ANKFN1: variants seen among roughly 807,000 people sequenced by gnomAD.
ANKFN1 encodes the protein ankyrin repeat and fibronectin type-III domain-containing protein 1.
ANKFN1 carries 74 observed loss-of-function variants against 108.7 expected under a neutral mutation model. The observed-to-expected ratio is 0.68, with a 90% confidence interval of 0.56 to 0.83. ANKFN1 has a LOEUF of 0.83. Among genes scored for constraint, ANKFN1 ranks in the 40% least tolerant of loss-of-function variants. ANKFN1 has a pLI of 0.00. For missense variants in ANKFN1, 1,505 were observed against 1,382.3 expected (o/e 1.09, Z -1.41); for synonymous variants, 547 against 516.2 (o/e 1.06, Z -0.81).
intron 6 of ANKFN1, among the ~76,000 whole-genome samples, chr17:56,366,620 T>G (rs1020256523): frequency 6.6e-6 from 1 of 152,212 alleles, no homozygotes; most frequent in African/African-American, 2.4e-5. Context: ...TAGTGTACTT[T>G]TTTCCATGTT....
Position 56,511,954 on chromosome 17 carries a change from A to G in ANKFN1, c.*685A>G, listed in dbSNP as rs1383486780. 6.6e-6 allele frequency among the ~76,000 whole-genome samples: 1 copy of G among 152,136 alleles called. No homozygotes were observed. Among genetic ancestry groups the G allele is most frequent in the East Asian group, 1.9e-4 (1 of 5,186 alleles). Reference sequence around the variant, plus strand: ...AAACAAAAGTGGAGAATTCTCTTTCAGCTCTACCTTGCAAAGATAGAATAG... The same window carrying G: ...AAACAAAAGTGGAGAATTCTCTTTCGGCTCTACCTTGCAAAGATAGAATAG... On this transcript the variant is annotated 3_prime_UTR_variant, in exon 21 of 21. Transcript: ENST00000682825.
At chr17:56,384,884 G>T (rs1050683195) in intron 8 of ANKFN1, among the ~76,000 whole-genome samples, 1 of 151,488 alleles carries the variant, frequency 6.6e-6, no homozygotes, top group African/African-American at 2.4e-5. Flanking sequence ...TGTGAAAATG[G>T]CCATACTGCC....
intron 6 of ANKFN1, among the ~76,000 whole-genome samples, chr17:56,354,593 G>A (rs1567938881): frequency 1.3e-5 from 2 of 152,124 alleles, no homozygotes; most frequent in Non-Finnish European, 2.9e-5. Flanking sequence ...AGTGATAAAC[G>A]CTGTGAAGAA....
chr17:56,463,611 T>C (rs1461596182), intron 14 of ANKFN1, among the ~76,000 whole-genome samples: 2 of 152,146 alleles, frequency 1.3e-5, no homozygotes, highest in African/African-American at 4.8e-5. Flanking sequence ...GGGAGAAGTG[T>C]ACATTGCTCT....
intron 3 of ANKFN1, among the ~76,000 whole-genome samples, chr17:56,243,151 T>C (rs1287804402): frequency 6.6e-6 from 1 of 152,170 alleles, no homozygotes; most frequent in Non-Finnish European, 1.5e-5. Flanking sequence ...TGTTCTTTTT[T>C]ACACTTATTT....
At chr17:56,238,593 G>C (rs1218749592) in intron 3 of ANKFN1, among the ~76,000 whole-genome samples, 2 of 152,010 alleles carry the variant, frequency 1.3e-5, no homozygotes, top group African/African-American at 4.8e-5. Flanking sequence ...TCTGAAATTA[G>C]GGTAGCAACC....
At chr17:56,357,670 G>C (rs1479020368) in intron 6 of ANKFN1, among the ~76,000 whole-genome samples, 3 of 152,192 alleles carry the variant, frequency 2.0e-5, no homozygotes, top group African/African-American at 4.8e-5. Context: ...AAAAGAAGCA[G>C]AATGCTTCTG....
intron 3 of ANKFN1, among the ~76,000 whole-genome samples, chr17:56,320,211 C>A (rs1307444745): frequency 2.0e-5 from 3 of 152,124 alleles, no homozygotes; most frequent in Non-Finnish European, 4.4e-5. Flanking sequence ...TATTTTGATG[C>A]AATGATTGGT....
intron 8 of ANKFN1, among the ~76,000 whole-genome samples, chr17:56,405,014 C>A (rs543705057): frequency 6.6e-6 from 1 of 152,294 alleles, no homozygotes; most frequent in East Asian, 1.9e-4. Context: ...GTGTTAACCA[C>A]CTATGGGTCT....
At chr17:56,204,944 C>T (rs1449201962) in intron 1 of ANKFN1, among the ~76,000 whole-genome samples, 4 of 152,026 alleles carry the variant, frequency 2.6e-5, no homozygotes, top group Admixed American at 6.6e-5. Context: ...GGCGTGGTGG[C>T]GGGTGCCTGT....
At chr17:56,113,909 G>C (rs1318517633) in intron 4 of ANKFN1, among the ~76,000 whole-genome samples, 1 of 152,166 alleles carries the variant, frequency 6.6e-6, no homozygotes, top group Admixed American at 6.5e-5. Context: ...AGTCCAATTA[G>C]CCAGAGGGGA....
intron 9 of ANKFN1, among the ~76,000 whole-genome samples, chr17:56,440,653 A>G (rs1284128848): frequency 6.6e-6 from 1 of 152,216 alleles, no homozygotes; most frequent in Non-Finnish European, 1.5e-5. Context: ...TCAGAAAAAG[A>G]CTGGCCTCAT....
intron 8 of ANKFN1, among the ~76,000 whole-genome samples, chr17:56,395,582 C>G (rs765391121): frequency 6.6e-6 from 1 of 152,198 alleles, no homozygotes; most frequent in Non-Finnish European, 1.5e-5. Context: ...GGTGCCATGG[C>G]TCACAACTGT....
At chr17:56,459,342 C>T (rs1213817043) in intron 14 of ANKFN1, among the ~76,000 whole-genome samples, 1 of 152,134 alleles carries the variant, frequency 6.6e-6, no homozygotes, top group Non-Finnish European at 1.5e-5. Context: ...AACTCCTGAC[C>T]TCAAGTGATC....
chr17:56,487,549 A>C (rs954776996), intron 18 of ANKFN1, among the ~76,000 whole-genome samples: 8 of 152,146 alleles, frequency 5.3e-5, no homozygotes, highest in African/African-American at 1.9e-4. Context: ...AGGGAATTTT[A>C]AAAAATAATA....
At chr17:56,307,808 G>A (rs1205554135) in intron 3 of ANKFN1, among the ~76,000 whole-genome samples, 2 of 152,142 alleles carry the variant, frequency 1.3e-5, no homozygotes, top group African/African-American at 2.4e-5. Context: ...ATTCACAATA[G>A]CAAAGACTTG....
At chr17:56,326,773 G>A (rs139273925) in intron 4 of ANKFN1, among the ~76,000 whole-genome samples, 2 of 152,304 alleles carry the variant, frequency 1.3e-5, no homozygotes, top group African/African-American at 4.8e-5. Context: ...CCATCATGCT[G>A]ATAATCCTGA....
intron 3 of ANKFN1, among the ~76,000 whole-genome samples, chr17:56,253,776 C>G (rs944454268): frequency 6.6e-6 from 1 of 152,012 alleles, no homozygotes; most frequent in African/African-American, 2.4e-5. Context: ...CATTATGAGT[C>G]CAGGTGTACA....
intron 18 of ANKFN1, among the ~76,000 whole-genome samples, chr17:56,490,047 A>G (rs1200203573): frequency 6.6e-6 from 1 of 152,142 alleles, no homozygotes; most frequent in African/African-American, 2.4e-5. Context: ...CCATTCATGC[A>G]TTTATTTATT....
Sources: allele counts gnomAD v4.1 joint callset (sites outside exome capture counted in the v4.1 genomes callset), GRCh38; gene constraint gnomAD v4.1.1; transcripts MANE v1.5; gene names NCBI Gene and HGNC (gene_info 2026-07-23, HGNC 2026-07-21).